Variants in DGKG observed in about 807,000 individuals in gnomAD.
The protein encoded by DGKG is diacylglycerol kinase gamma.
Under a neutral mutation model 105.3 loss-of-function variants are expected in DGKG, and 78 were observed. That is an observed-to-expected ratio of 0.74 (90% CI 0.62 to 0.89). DGKG has a LOEUF of 0.89. Among genes scored for constraint, DGKG ranks in the 40% least tolerant of loss-of-function variants. The probability of loss-of-function intolerance (pLI) is 0.00; values close to 1 mark genes in which losing one functional copy is unlikely to be tolerated. For synonymous variants in DGKG, 346 were observed against 367.1 expected (o/e 0.94, Z 0.66); for missense variants, 958 against 1,020.1 (o/e 0.94, Z 0.83).
At chr3:186,201,444 C>T (rs1391153602) in intron 21 of DGKG, among the ~76,000 whole-genome samples, 3 of 152,208 alleles carry the variant, frequency 2.0e-5, no homozygotes, top group African/African-American at 4.8e-5. Context: ...CACATGAGCT[C>T]TGCCCACTCA....
chr3:186,279,625 A>T lies in DGKG; in HGVS notation c.792+226T>A, dbSNP rs1722738978. ...GTGTCTGTATTCCCTCACAGCATGCAGAACAGTATTTTTAAAGTAGTAATA... is the reference window on the plus strand; with the variant it reads ...GTGTCTGTATTCCCTCACAGCATGCTGAACAGTATTTTTAAAGTAGTAATA... On this transcript the variant is annotated intron_variant, in intron 9 of 24. Coordinates refer to ENST00000265022, the MANE Select transcript of DGKG (RefSeq NM_001346.3). The T allele has an allele frequency of 7.3e-6, 3 of 413,264 alleles. No homozygotes were observed. The East Asian group carries it at 1.4e-4, about 19-fold the overall frequency. The allele number at this position is 413,264 out of a possible 1,614,324, so 25.6% of individuals were successfully genotyped here.
chr3:186,214,562 G>C (rs1719186797), intron 20 of DGKG, among the ~76,000 whole-genome samples: 1 of 151,996 alleles, frequency 6.6e-6, no homozygotes, highest in Non-Finnish European at 1.5e-5. Flanking sequence ...TAAATTATGT[G>C]TCTTGATTTT....
At chr3:186,328,537 T>C (rs1319391893) in intron 1 of DGKG, among the ~76,000 whole-genome samples, 5 of 152,030 alleles carry the variant, frequency 3.3e-5, no homozygotes, top group Non-Finnish European at 5.9e-5. Context: ...CCATTGTAGC[T>C]CAGTGCTTGA....
At chr3:186,241,510 G>T (rs113120255) in intron 20 of DGKG, among the ~76,000 whole-genome samples, 1 of 151,950 alleles carries the variant, frequency 6.6e-6, no homozygotes. Flanking sequence ...ACAAGATCAC[G>T]CCACTGCACT....
intron 22 of DGKG, 45 bp from the exon 23 acceptor site, chr3:186,165,063 T>C: frequency 6.3e-7 from 1 of 1,580,520 alleles, no homozygotes; most frequent in Non-Finnish European, 8.6e-7. Context: ...ATCTCTGTGT[T>C]CCTCAGACAA....
intron 1 of DGKG, among the ~76,000 whole-genome samples, chr3:186,322,421 A>G (rs1393331616): frequency 1.3e-5 from 2 of 152,188 alleles, no homozygotes; most frequent in South Asian, 4.1e-4. Flanking sequence ...ACTGGGGCCT[A>G]CTTGAAGGTG....
At chr3:186,250,374 G>A (rs1721151195) in intron 19 of DGKG, among the ~76,000 whole-genome samples, 1 of 151,998 alleles carries the variant, frequency 6.6e-6, no homozygotes, top group Non-Finnish European at 1.5e-5. Context: ...GCTAATGGAT[G>A]CCGGGCTTAG....
chr3:186,223,041 T>TATATA (rs1719673534), intron 20 of DGKG, among the ~76,000 whole-genome samples: 3 of 59,298 alleles, frequency 5.1e-5, no homozygotes, highest in African/African-American at 1.1e-4. Context: ...ATATGTCTCA[T>TATATA]GATATACACT....
rs1208009212 is a variant in DGKG at position 186,226,352 on chromosome 3, G to C, written c.1827-14467C>G. 6.6e-6 allele frequency among the ~76,000 whole-genome samples: 1 copy of C among 152,176 alleles called. No homozygotes were observed. The highest frequency in any genetic ancestry group is 1.9e-4 in the East Asian group (1 of 5,192). On this transcript the variant is annotated intron_variant, in intron 20 of 24. Coordinates refer to ENST00000265022, the MANE Select transcript of DGKG (RefSeq NM_001346.3). This position sits in a 1 kb window ranked among gnomAD's most constrained non-coding sequence, Gnocchi z 4.2. ...CCAGTTGTGGAGATGGGGCCAGAGG[G>C]GGAAATGTGTACAAGGCATGAACCA...
chr3:186,235,768 A>G (rs1248379841), intron 20 of DGKG, among the ~76,000 whole-genome samples: 1 of 152,060 alleles, frequency 6.6e-6, no homozygotes, highest in Non-Finnish European at 1.5e-5. Flanking sequence ...ATCTGAGGTC[A>G]GGGTTGGGGA....
At chr3:186,241,807 C>T (rs1449580512) in intron 20 of DGKG, among the ~76,000 whole-genome samples, 6 of 152,280 alleles carry the variant, frequency 3.9e-5, no homozygotes, top group African/African-American at 1.2e-4. Flanking sequence ...GGTAGCTATA[C>T]GTCAGTCACA....
At chr3:186,302,084 A>G (rs1018116004) in intron 3 of DGKG, among the ~76,000 whole-genome samples, 1 of 152,070 alleles carries the variant, frequency 6.6e-6, no homozygotes, top group Non-Finnish European at 1.5e-5. Context: ...AAGCCTTATG[A>G]TCGTCTGTCC....
At chr3:186,233,792 G>T (rs1720278383) in intron 20 of DGKG, among the ~76,000 whole-genome samples, 1 of 152,184 alleles carries the variant, frequency 6.6e-6, no homozygotes, top group Non-Finnish European at 1.5e-5. Context: ...CAGTAGTGTT[G>T]TTTTAAGCCA....
intron 24 of DGKG, among the ~76,000 whole-genome samples, chr3:186,155,285 C>T (rs1435749979): frequency 3.9e-5 from 6 of 152,112 alleles, no homozygotes; most frequent in Non-Finnish European, 7.4e-5. Flanking sequence ...CTCCGCCTCC[C>T]GGGTTCAAGT....
chr3:186,204,780 T>C (rs1385610852), intron 21 of DGKG, among the ~76,000 whole-genome samples: 2 of 152,204 alleles, frequency 1.3e-5, no homozygotes, highest in Non-Finnish European at 2.9e-5. Context: ...TAGATCGATG[T>C]TGAGAAGAAC....
intron 17 of DGKG, among the ~76,000 whole-genome samples, chr3:186,254,409 G>A (rs780005093): frequency 5.3e-5 from 8 of 152,052 alleles, no homozygotes; most frequent in Admixed American, 1.3e-4. Flanking sequence ...GGCCCCTCTC[G>A]TTGTCCTCAG....
intron 1 of DGKG, among the ~76,000 whole-genome samples, chr3:186,348,088 T>C (rs867574737): frequency 6.6e-6 from 1 of 152,240 alleles, no homozygotes; most frequent in Non-Finnish European, 1.5e-5. Flanking sequence ...CAAGGTTTTT[T>C]GCCTTGAGTA....
chr3:186,343,222 A>G (rs1726169442), intron 1 of DGKG, among the ~76,000 whole-genome samples: 2 of 152,230 alleles, frequency 1.3e-5, no homozygotes, highest in South Asian at 4.1e-4. Context: ...TTGATCTTTG[A>G]AGAATTTTGG....
At chr3:186,235,725 C>T (rs1720384607) in intron 20 of DGKG, among the ~76,000 whole-genome samples, 1 of 152,128 alleles carries the variant, frequency 6.6e-6, no homozygotes, top group Non-Finnish European at 1.5e-5. Context: ...TTGTCGGTTT[C>T]TATTTTGTTC....
Sources: gnomAD v4.1 joint callset for allele counts (sites outside exome capture counted in the v4.1 genomes callset) on GRCh38, gnomAD v4.1.1 for gene constraint, Gnocchi (gnomAD v3.1) non-coding constraint, MANE v1.5 for transcripts, NCBI Gene and HGNC (gene_info 2026-07-23, HGNC 2026-07-21) for gene names.